The following TTC39A variants were observed in gnomAD, a reference collection of about 807,000 sequenced individuals.
TTC39A encodes the protein tetratricopeptide repeat domain 39A.
In TTC39A, 46 loss-of-function variants were observed where a neutral mutation model predicts 82.3. That is an observed-to-expected ratio of 0.56 (90% CI 0.44 to 0.71). TTC39A has a LOEUF of 0.71. TTC39A is among the 30% of genes least tolerant of loss of function. The pLI, the probability that TTC39A is intolerant of heterozygous loss-of-function variation, is 0.00. For synonymous variants in TTC39A, 254 were observed against 275.2 expected (o/e 0.92, Z 0.76); for missense variants, 543 against 712.9 (o/e 0.76, Z 2.71).
chr1:51,313,550 C>T (rs1645167092), intron 2 of TTC39A, among the ~76,000 whole-genome samples: 1 of 152,208 alleles, frequency 6.6e-6, no homozygotes, highest in Non-Finnish European at 1.5e-5. Flanking sequence ...CTGCCCACCT[C>T]TCCAGCCCTC....
At chr1:51,289,412 A>G (rs1391226285) in intron 16 of TTC39A, among the ~76,000 whole-genome samples, 2 of 151,774 alleles carry the variant, frequency 1.3e-5, no homozygotes, top group Non-Finnish European at 2.9e-5. Flanking sequence ...TTTTCTCTCT[A>G]TGACTTCACC....
chr1:51,294,294 G>A lies in TTC39A; in HGVS notation c.1266+97C>T. Reference sequence around the variant, plus strand: ...CTCCCCAGGCCCCTGAGGCATGAAGGTCTTTCTCCTCATCCACCTCCCCCT... The same window carrying A: ...CTCCCCAGGCCCCTGAGGCATGAAGATCTTTCTCCTCATCCACCTCCCCCT... On this transcript the variant is annotated intron_variant, in intron 14 of 17. Transcript: ENST00000680483. The surrounding 1 kb of genome is among the most constrained non-coding windows in gnomAD (Gnocchi z 4.3). 5.1e-6 allele frequency: 8 copies of A among 1,577,522 alleles called. No individual in the cohort carries two copies. Among genetic ancestry groups the A allele is most frequent in the South Asian group, 1.1e-5 (1 of 87,378 alleles).
chr1:51,344,583 C>T (rs1646074244), intron 1 of TTC39A, among the ~76,000 whole-genome samples: 1 of 152,220 alleles, frequency 6.6e-6, no homozygotes, highest in South Asian at 2.1e-4. Context: ...CTTCATCTGT[C>T]CGGGCACACA....
rs752475625 is a variant in TTC39A, at chr1:51,303,204, G to A, written c.655-12C>T. The A allele has an allele frequency of 2.0e-6, 3 of 1,535,896 alleles. No homozygotes were observed. In the East Asian group the frequency reaches 7.2e-5, roughly 37 times the overall value. On this transcript the variant is annotated splice_polypyrimidine_tract_variant and intron_variant, in intron 8 of 17. Coordinates refer to ENST00000680483, the MANE Select transcript of TTC39A (RefSeq NM_001297663.2). ...AGCAGCCCATAGTCCTGAGGGGATGGGAGGGTGGGTGAGGCTCCCAGAGAG... is the reference window on the plus strand; with the variant it reads ...AGCAGCCCATAGTCCTGAGGGGATGAGAGGGTGGGTGAGGCTCCCAGAGAG...
chr1:51,318,616 A>G (rs560802791), intron 2 of TTC39A, among the ~76,000 whole-genome samples: 2 of 152,322 alleles, frequency 1.3e-5, no homozygotes, highest in Admixed American at 1.3e-4. Flanking sequence ...TGGCCTCAGC[A>G]TTCACTTTTC....
intron 1 of TTC39A, among the ~76,000 whole-genome samples, chr1:51,327,888 G>A (rs1192839472): frequency 1.3e-5 from 2 of 151,908 alleles, no homozygotes; most frequent in Non-Finnish European, 2.9e-5. Context: ...GTAGAGACAG[G>A]GTTTCACCAT....
At position 51,296,152 on chromosome 1, in the gene TTC39A, T is replaced by A. The variant is rs1374347612; in HGVS notation, c.1072A>T (p.Lys358Ter). The A allele has an allele frequency of 6.3e-7, 1 of 1,596,380 alleles. No individual in the cohort carries two copies. The highest frequency in any genetic ancestry group is 1.3e-5 in the African/African-American group (1 of 74,520). Residue 358 changes from lysine to a stop codon, truncating the protein, a stop_gained, in exon 13 of 18, where the codon AAG (lysine) becomes TAG (stop). Coordinates refer to ENST00000680483, the MANE Select transcript of TTC39A (RefSeq NM_001297663.2). LOFTEE classifies it high-confidence loss of function. Reference sequence around the variant, plus strand: ...CCAAACATGCTGAGGTAGGCGGCCTTCATGTAAATGTAGGTGGCCTGTGCG... The same window carrying A: ...CCAAACATGCTGAGGTAGGCGGCCTACATGTAAATGTAGGTGGCCTGTGCG... Reference protein sequence around the residue: ...CWSKATYIYMKAAYLSMFGKE... With the variant: ...CWSKATYIYM
At position 51,330,349 on chromosome 1, in the gene TTC39A, C is replaced by CG. The variant is rs1013576267; in HGVS notation, c.41+87dup. The stretch of plus-strand genomic sequence containing the variant: ...CGCAGTGCGGCCCCAGGCCGGTGCG[C>CG]GGGGGGAGGCCTGGCGCGGCGCCCG... On this transcript the variant is annotated intron_variant, in intron 1 of 17. Transcript: ENST00000680483. This position sits in a 1 kb window ranked among gnomAD's most constrained non-coding sequence, Gnocchi z 4.5. 3.8e-4 allele frequency: 350 copies of CG among 924,772 alleles called. No individual in the cohort carries two copies. Among genetic ancestry groups the CG allele is most frequent in the African/African-American group, 9.5e-4 (53 of 55,726 alleles). The allele number at this position is 924,772 out of a possible 1,614,324, so 57.3% of individuals were successfully genotyped here. A position where few individuals can be genotyped will look rare whatever the true frequency, so the allele number is the denominator to read the frequency against.
Position 51,312,826 on chromosome 1 carries a change from C to G in TTC39A, c.264G>C (p.Gln88His), listed in dbSNP as rs753400990. 6.2e-7 allele frequency: 1 copy of G among 1,613,858 alleles called. No homozygotes were observed. Among genetic ancestry groups the G allele is most frequent in the South Asian group, 1.1e-5 (1 of 91,066 alleles). The change falls in exon 3 of 18, where the codon CAG becomes CAC. Residue 88 changes from glutamine (Q) to histidine (H), a missense_variant. Physicochemically the swap from Gln to His is conservative, Grantham distance 24 (BLOSUM62 0). Transcript: ENST00000680483. The stretch of plus-strand genomic sequence containing the variant: ...ATGCCCCCAACCTCTGACACAGCAT[C>G]TGTGCCTCCTTCATCATGTTGCCGG... ...LLAGNMMKEA[Q>H]MLCQRHRRKS...
At chr1:51,337,159 T>C (rs1257382298) in intron 1 of TTC39A, among the ~76,000 whole-genome samples, 1 of 152,174 alleles carries the variant, frequency 6.6e-6, no homozygotes, top group Non-Finnish European at 1.5e-5. Context: ...AAAACTAGTC[T>C]GTCTATGGCT....
At chr1:51,328,768 T>C (rs1645804695) in intron 1 of TTC39A, among the ~76,000 whole-genome samples, 1 of 152,204 alleles carries the variant, frequency 6.6e-6, no homozygotes, top group African/African-American at 2.4e-5. Flanking sequence ...TTGCTATATT[T>C]TTCTGAAGGC....
intron 2 of TTC39A, among the ~76,000 whole-genome samples, chr1:51,315,098 G>A (rs940320234): frequency 1.3e-5 from 2 of 151,884 alleles, no homozygotes; most frequent in Admixed American, 6.6e-5. Flanking sequence ...TCTGAGGCCC[G>A]GGACTCAGCA....
chr1:51,332,262 C>CT (rs982822837), upstream of TTC39A, among the ~76,000 whole-genome samples: 14 of 152,014 alleles, frequency 9.2e-5, no homozygotes, highest in South Asian at 1.2e-3. Flanking sequence ...TTTATTTTCT[C>CT]TTTTTTTTGA....
intron 4 of TTC39A, 136 bp from the exon 5 acceptor site, chr1:51,311,457 C>T: frequency 1.4e-6 from 1 of 726,754 alleles, no homozygotes; most frequent in Non-Finnish European, 2.2e-6. Context: ...ACCTCGTCAC[C>T]CAGTGCTTCA....
chr1:51,302,954 G>A, intron 9 of TTC39A, 130 bp downstream of exon 9: 2 of 798,092 alleles, frequency 2.5e-6, no homozygotes, highest in Non-Finnish European at 4.0e-6. Context: ...GACAGTGGAT[G>A]TGGCTCTGTT....
rs527849874 is a variant in TTC39A at position 51,302,669 on chromosome 1, C to A, written c.764-96G>T. 18 of 1,331,046 alleles carry A rather than the reference C, an allele frequency of 1.4e-5. No homozygotes were observed. In the African/African-American group the frequency reaches 2.6e-4, roughly 19 times the overall value. 82.5% of individuals were successfully genotyped at this position (1,331,046 alleles called of 1,614,324 possible). A position where few individuals can be genotyped will look rare whatever the true frequency, so the allele number is the denominator to read the frequency against. On this transcript the variant is annotated intron_variant, in intron 9 of 17. Coordinates refer to ENST00000680483, the MANE Select transcript of TTC39A (RefSeq NM_001297663.2). ...AGCAGGGGCTTCCCAGGGTCTCCCCCTCCCCCTCTGTGAAATCGAGATAAT... is the reference window on the plus strand; with the variant it reads ...AGCAGGGGCTTCCCAGGGTCTCCCCATCCCCCTCTGTGAAATCGAGATAAT...
chr1:51,315,559 C>G (rs761911163), intron 2 of TTC39A, among the ~76,000 whole-genome samples: 1 of 152,130 alleles, frequency 6.6e-6, no homozygotes, highest in South Asian at 2.1e-4. Context: ...CACTGAAGCT[C>G]CCCCTACTCC....
rs932907360 is a variant in TTC39A at position 51,296,165 on chromosome 1, G to T, written c.1059C>A (p.Thr353=). The part of the protein sequence containing the change: ...LSKENCWSKA[T]YIYMKAAYLS... ...GGTAGGCGGCCTTCATGTAAATGTA[G>T]GTGGCCTGTGCGAGACAGAGCAACA... The change falls in exon 13 of 18, where the codon ACC becomes ACA. Residue 353 remains threonine (T), a synonymous_variant. Transcript: ENST00000680483. 2 of 1,589,818 alleles carry T rather than the reference G, an allele frequency of 1.3e-6. No homozygotes were observed. The highest frequency in any genetic ancestry group is 2.3e-5 in the East Asian group (1 of 43,650).
At chr1:51,320,209 G>A (rs751894174) in intron 2 of TTC39A, among the ~76,000 whole-genome samples, 3 of 152,072 alleles carry the variant, frequency 2.0e-5, no homozygotes, top group South Asian at 2.1e-4. Flanking sequence ...AAAACTCAAC[G>A]ATAGGATGAT....
Sources: allele counts gnomAD v4.1 joint callset (sites outside exome capture counted in the v4.1 genomes callset), GRCh38; gene constraint gnomAD v4.1.1; non-coding constraint Gnocchi (gnomAD v3.1); transcripts MANE v1.5; gene names NCBI Gene and HGNC (gene_info 2026-07-23, HGNC 2026-07-21).